The following ERG variants were observed in gnomAD, a reference collection of about 807,000 sequenced individuals.
ERG encodes transcriptional regulator ERG.
ERG carries 9 observed loss-of-function variants against 55.3 expected under a neutral mutation model. The observed-to-expected ratio is 0.16, with a 90% CI of 0.10 to 0.28. The LOEUF is 0.28. ERG is among the 10% of genes least tolerant of loss of function. ERG has a pLI of 1.00. For synonymous variants in ERG, 223 were observed against 237.3 expected, an observed-to-expected ratio of 0.94 and a Z score of 0.55; for missense variants, 434 against 631.6, an observed-to-expected ratio of 0.69 and a Z score of 3.35.
At chr21:38,504,487 T>A (rs1332647227) in intron 2 of ERG, among the ~76,000 whole-genome samples, 1 of 152,236 alleles carries the variant, frequency 6.6e-6, no homozygotes, top group Non-Finnish European at 1.5e-5. Flanking sequence ...TCACCATTAT[T>A]TAGCTTAAAA....
chr21:38,631,283 G>A (rs1048779699), intron 1 of ERG, among the ~76,000 whole-genome samples: 11 of 151,966 alleles, frequency 7.2e-5, no homozygotes, highest in East Asian at 1.9e-4. Context: ...AAAATGTTGC[G>A]GGCCAAGTAC....
chr21:38,442,032 T>C (rs2836399), intron 2 of ERG, among the ~76,000 whole-genome samples: 89,750 of 152,082 alleles, frequency 0.59, 26,919 homozygotes, highest in East Asian at 0.7. Context: ...TGAAAGTTTA[T>C]GACGGCAGCA....
At chr21:38,433,338 C>A (rs952886759) in intron 2 of ERG, among the ~76,000 whole-genome samples, 1 of 152,142 alleles carries the variant, frequency 6.6e-6, no homozygotes, top group African/African-American at 2.4e-5. Flanking sequence ...ACTGGGGAAG[C>A]AGTCAATCTA....
intron 2 of ERG, among the ~76,000 whole-genome samples, chr21:38,425,341 C>T (rs1458790322): frequency 2.6e-5 from 4 of 151,306 alleles, no homozygotes; most frequent in African/African-American, 7.3e-5. Flanking sequence ...GCTGAGATGG[C>T]GCCATTGCAC....
At chr21:38,572,084 C>T (rs1389817560) in intron 2 of ERG, among the ~76,000 whole-genome samples, 4 of 151,594 alleles carry the variant, frequency 2.6e-5, no homozygotes, top group South Asian at 2.1e-4. Context: ...CGGCCAGGTG[C>T]GGTGGCTCAC....
At chr21:38,582,839 C>T (rs1054192216) in intron 1 of ERG, among the ~76,000 whole-genome samples, 3 of 152,124 alleles carry the variant, frequency 2.0e-5, no homozygotes, top group Admixed American at 6.5e-5. Context: ...CTCCACCTCC[C>T]GGGTTCCACT....
chr21:38,388,509 T>G (rs574658944), intron 9 of ERG, among the ~76,000 whole-genome samples: 1 of 152,086 alleles, frequency 6.6e-6, no homozygotes. Context: ...TATCAGAGAA[T>G]AGAAAAATAG....
upstream of ERG, among the ~76,000 whole-genome samples, chr21:38,501,190 C>T (rs900674493): frequency 6.6e-6 from 1 of 151,466 alleles, no homozygotes; most frequent in Non-Finnish European, 1.5e-5. Context: ...CTCAGCCTCC[C>T]GAGTAGCTGG....
chr21:38,547,778 T>G (rs1568902742), intron 2 of ERG, among the ~76,000 whole-genome samples: 3 of 152,296 alleles, frequency 2.0e-5, no homozygotes, highest in Non-Finnish European at 4.4e-5. Flanking sequence ...ATCAAAATAG[T>G]TCCCTGAATC....
chr21:38,565,381 A>C (rs189127323), intron 2 of ERG, among the ~76,000 whole-genome samples: 1 of 152,342 alleles, frequency 6.6e-6, no homozygotes, highest in East Asian at 1.9e-4. Context: ...CACATCTGCT[A>C]TGAACCTTCC....
intron 1 of ERG, among the ~76,000 whole-genome samples, chr21:38,474,665 T>C (rs2059170808): frequency 6.6e-6 from 1 of 152,014 alleles, no homozygotes; most frequent in African/African-American, 2.4e-5. Flanking sequence ...GACTCCTACC[T>C]GTATGGAAGG....
chr21:38,451,643 C>T (rs965951720), intron 1 of ERG, among the ~76,000 whole-genome samples: 7 of 152,182 alleles, frequency 4.6e-5, no homozygotes, highest in African/African-American at 7.2e-5. Flanking sequence ...GTAGATGCTT[C>T]TAAAAGGTCT....
chr21:38,594,869 G>T (rs933117704), intron 1 of ERG, among the ~76,000 whole-genome samples: 6 of 152,118 alleles, frequency 3.9e-5, no homozygotes, highest in Non-Finnish European at 7.4e-5. Context: ...GCCCCCTGTC[G>T]AAACTGTAAA....
chr21:38,446,902 C>T (rs1395189965), intron 1 of ERG, among the ~76,000 whole-genome samples: 2 of 152,152 alleles, frequency 1.3e-5, no homozygotes, highest in African/African-American at 2.4e-5. Flanking sequence ...CTTGCCCCCA[C>T]AGCCCTATGA....
chr21:38,470,151 G>A (rs2059126553), intron 1 of ERG, among the ~76,000 whole-genome samples: 2 of 152,122 alleles, frequency 1.3e-5, no homozygotes, highest in African/African-American at 4.8e-5. Flanking sequence ...CCTCATCTGT[G>A]AAATGGCTAT....
At chr21:38,632,659 C>G (rs1208552790) in intron 1 of ERG, among the ~76,000 whole-genome samples, 1 of 152,216 alleles carries the variant, frequency 6.6e-6, no homozygotes, top group Non-Finnish European at 1.5e-5. Flanking sequence ...CTTTCCTCCT[C>G]CTTTGCCTTC....
intron 2 of ERG, among the ~76,000 whole-genome samples, chr21:38,440,787 CAAAAAAAAAAAAAA>C (rs10601871): frequency 1.0e-5 from 1 of 99,896 alleles, no homozygotes; most frequent in East Asian, 3.0e-4. Context: ...AAAACTGTCT[CAAAAAAAAAAAAAA>C]AAAAAAAAAA....
intron 9 of ERG, among the ~76,000 whole-genome samples, chr21:38,389,287 G>A (rs1448469257): frequency 6.6e-6 from 1 of 152,006 alleles, no homozygotes; most frequent in Non-Finnish European, 1.5e-5. Context: ...TAACTTCTCT[G>A]GACTTCTAAT....
intron 6 of ERG, among the ~76,000 whole-genome samples, chr21:38,399,646 C>G (rs1460572052): frequency 6.6e-6 from 1 of 152,214 alleles, no homozygotes; most frequent in Non-Finnish European, 1.5e-5. Flanking sequence ...TCTCCCTGCT[C>G]ATTATTCGTC....
Sources: gnomAD v4.1 joint callset for allele counts (sites outside exome capture counted in the v4.1 genomes callset) on GRCh38, gnomAD v4.1.1 for gene constraint, MANE v1.5 for transcripts, NCBI Gene and HGNC (gene_info 2026-07-23, HGNC 2026-07-21) for gene names.